The following PAH variants were observed in gnomAD, a reference collection of about 807,000 sequenced individuals.
The protein encoded by PAH is phenylalanine-4-hydroxylase.
Under a neutral mutation model 62.0 loss-of-function variants are expected in PAH, and 64 were observed. That is an observed-to-expected ratio of 1.03 (90% CI 0.84 to 1.27). The LOEUF is 1.27. PAH is among the 50% of genes most tolerant of loss of function. The probability of loss-of-function intolerance (pLI) is 0.00; values close to 1 mark genes in which losing one functional copy is unlikely to be tolerated. For synonymous variants in PAH, 195 were observed against 196.2 expected (o/e 0.99, Z 0.05); for missense variants, 579 against 542.8 (o/e 1.07, Z -0.66).
At chr12:102,917,411 A>ACTT (rs1257714258), upstream of PAH, 5 of 471,464 alleles carry the variant, frequency 1.1e-5, no homozygotes, top group African/African-American at 2.0e-5. Context: ...AGGAGGCACC[A>ACTT]CTTCGCTGCC....
rs1220508590 is a variant in PAH at position 102,957,663 on chromosome 12, T to C, written c.-96+532A>G. ...TGTCCCATTGAAAAGGCGGACGCAC[T>C]CCGGCAGCCCAGCACTCTCTCACTT... On this transcript the variant is annotated intron_variant, in intron 1 of 4. Coordinates refer to the PAH transcript ENST00000551337. This position sits in a 1 kb window ranked among gnomAD's most constrained non-coding sequence, Gnocchi z 4.1. The C allele has an allele frequency of 2.0e-5, 3 of 152,294 alleles. No individual in the cohort carries two copies. The highest frequency in any genetic ancestry group is 4.4e-5 in the Non-Finnish European group (3 of 68,084). The allele number at this position is 152,294 out of a possible 1,614,324, so 9.4% of individuals were successfully genotyped here. A position where few individuals can be genotyped will look rare whatever the true frequency, so the allele number is the denominator to read the frequency against.
At position 102,894,812 on chromosome 12, in the gene PAH, G is replaced by A. The variant is rs62514903; in HGVS notation, c.275C>T (p.Thr92Ile). 1.9e-6 allele frequency: 3 copies of A among 1,613,868 alleles called. No homozygotes were observed. The highest frequency in any genetic ancestry group is 2.5e-6 in the Non-Finnish European group (3 of 1,179,946). Residue 92 changes from threonine (T) to isoleucine (I), a missense_variant, in exon 3 of 13, where the codon ACA becomes ATA. Physicochemically the swap from Thr to Ile is moderately conservative, Grantham distance 89. Coordinates refer to ENST00000553106, the MANE Select transcript of PAH (RefSeq NM_000277.3). Reference protein sequence around the residue: ...HLDKRSLPALTNIIKILRHDI... With the variant: ...HLDKRSLPALINIIKILRHDI... ...ATGCCTCAAGATCTTGATGATGTTT[G>A]TCAGAGCAGGCAGGCTACGTTTATC...
chr12:102,910,624 C>T (rs929392611), intron 2 of PAH, among the ~76,000 whole-genome samples: 1 of 152,058 alleles, frequency 6.6e-6, no homozygotes, highest in Non-Finnish European at 1.5e-5. Flanking sequence ...TCAGCCTCAG[C>T]CTCCCAAAGT....
intron 2 of PAH, among the ~76,000 whole-genome samples, chr12:102,898,704 G>T (rs1199591060): frequency 6.6e-6 from 1 of 152,256 alleles, no homozygotes; most frequent in South Asian, 2.1e-4. Context: ...AGAGATGAAG[G>T]TGCTTGGCCG....
rs1182277046 is a variant in PAH, at chr12:102,868,126, GTA to G, written c.442-1465_442-1464del. ...TATACACATATATATACATATATGT[GTA>G]TATATATATATATATATATATATAT... On this transcript the variant is annotated intron_variant, in intron 4 of 12. Transcript: ENST00000553106. Among the ~76,000 whole-genome samples, 145 of 6,422 alleles carry G rather than the reference GTA, an allele frequency of 0.023. 9 individuals are homozygous for G. The Middle Eastern group carries it at 0.38, about 17-fold the overall frequency. The allele number at this position is 6,422 out of a possible 152,430, so 4.2% of individuals were successfully genotyped here.
chr12:102,853,139 T>C (rs1299900095), intron 6 of PAH, 189 bp from the exon 7 acceptor site: 5 of 638,310 alleles, frequency 7.8e-6, no homozygotes, highest in Non-Finnish European at 1.1e-5. Flanking sequence ...TAAATTCCCA[T>C]TTCTGAGCCT....
chr12:102,913,456 A>T (rs1878277416), intron 1 of PAH, among the ~76,000 whole-genome samples: 1 of 152,208 alleles, frequency 6.6e-6, no homozygotes, highest in Admixed American at 6.5e-5. Flanking sequence ...CAGGTGGACT[A>T]CTTTGGGCAA....
intron 2 of PAH, among the ~76,000 whole-genome samples, chr12:102,910,805 T>A (rs947249028): frequency 6.6e-6 from 1 of 152,016 alleles, no homozygotes; most frequent in Admixed American, 6.6e-5. Context: ...TTCTAAGGGG[T>A]TGCTTTCAAG....
At chr12:102,882,868 C>T (rs969459062) in intron 3 of PAH, among the ~76,000 whole-genome samples, 13 of 151,838 alleles carry the variant, frequency 8.6e-5, no homozygotes, top group African/African-American at 3.1e-4. Context: ...GAATTAAATG[C>T]TGCAGCAATA....
intron 2 of PAH, among the ~76,000 whole-genome samples, chr12:102,911,245 C>T (rs1429003595): frequency 1.3e-5 from 2 of 152,126 alleles, no homozygotes; most frequent in East Asian, 3.9e-4. Flanking sequence ...AGAGAGACCA[C>T]AGAAGAAAGG....
At chr12:102,955,992 G>A (rs1245588009) in intron 1 of PAH, among the ~76,000 whole-genome samples, 2 of 152,116 alleles carry the variant, frequency 1.3e-5, no homozygotes, top group African/African-American at 2.4e-5. Context: ...GGAGCCGCCC[G>A]TCATTACTGC....
intron 2 of PAH, among the ~76,000 whole-genome samples, chr12:102,895,261 A>C (rs1592979202): frequency 6.6e-6 from 1 of 152,260 alleles, no homozygotes; most frequent in Non-Finnish European, 1.5e-5. Context: ...AAACACCCCC[A>C]CTTTCCAAAC....
At chr12:102,895,746 T>C (rs1310823506) in intron 2 of PAH, among the ~76,000 whole-genome samples, 4 of 151,422 alleles carry the variant, frequency 2.6e-5, no homozygotes, top group Admixed American at 6.6e-5. Flanking sequence ...TCCCAGCTAC[T>C]TGGGAGGCTG....
Position 102,880,204 on chromosome 12 carries a change from C to T in PAH, c.353-2654G>A, listed in dbSNP as rs144898566. 2.9e-3 allele frequency among the ~76,000 whole-genome samples: 443 copies of T among 152,262 alleles called. 7 individuals are homozygous for T. The South Asian group carries it at 0.046, about 16-fold the overall frequency. ...TCCCGCCTTGTCACCTACACTCCTC[C>T]CCAAGCTCTCCTTCCTCAGTGGGTC... On this transcript the variant is annotated intron_variant, in intron 3 of 12. Transcript: ENST00000553106.
rs185384106 is a variant in PAH at position 102,855,370 on chromosome 12, C to T, written c.510-38G>A. ...CACAAAATAGGTGTCTCAAGCAGGGCAGGGGCACAGCAGAACGCAGGTTAG... is the reference window on the plus strand; with the variant it reads ...CACAAAATAGGTGTCTCAAGCAGGGTAGGGGCACAGCAGAACGCAGGTTAG... On this transcript the variant is annotated intron_variant, in intron 5 of 12. Coordinates refer to ENST00000553106, the MANE Select transcript of PAH (RefSeq NM_000277.3). 12 of 1,579,036 alleles carry T rather than the reference C, an allele frequency of 7.6e-6. No individual in the cohort carries two copies. The African/African-American group carries it at 1.6e-4, about 21-fold the overall frequency.
intron 5 of PAH, among the ~76,000 whole-genome samples, chr12:102,862,496 T>A (rs1875772040): frequency 6.6e-6 from 1 of 152,098 alleles, no homozygotes; most frequent in Non-Finnish European, 1.5e-5. Flanking sequence ...CAAACCCCCA[T>A]GACACAAGTT....
At position 102,839,018 on chromosome 12, in the gene PAH, A is replaced by T. The variant is rs1565840331; in HGVS notation, c.*157T>A. ...GTATGTACTCATATCCTGTCATTTC[A>T]GATTATTTTGACTTATTTGTTGTTT... On this transcript the variant is annotated 3_prime_UTR_variant, in exon 13 of 13. Coordinates refer to ENST00000553106, the MANE Select transcript of PAH (RefSeq NM_000277.3). 1 of 690,262 alleles carries T rather than the reference A, an allele frequency of 1.4e-6. No homozygotes were observed. 42.8% of individuals were successfully genotyped at this position (690,262 alleles called of 1,614,324 possible). A position where few individuals can be genotyped will look rare whatever the true frequency, so the allele number is the denominator to read the frequency against.
upstream of PAH, among the ~76,000 whole-genome samples, chr12:102,920,589 C>A (rs1402316567): frequency 6.6e-6 from 1 of 152,138 alleles, no homozygotes; most frequent in African/African-American, 2.4e-5. Flanking sequence ...ACCTACATGA[C>A]CCTTCTCTTG....
intron 8 of PAH, 59 bp from the exon 9 acceptor site, chr12:102,847,010 C>T (rs1874881899): frequency 7.0e-7 from 1 of 1,431,974 alleles, no homozygotes; most frequent in Admixed American, 1.7e-5. Flanking sequence ...ACAGAACCAA[C>T]CTAGTACTTG....
Sources: gnomAD v4.1 joint callset for allele counts (sites outside exome capture counted in the v4.1 genomes callset) on GRCh38, gnomAD v4.1.1 for gene constraint, Gnocchi (gnomAD v3.1) non-coding constraint, MANE v1.5 for transcripts, NCBI Gene and HGNC (gene_info 2026-07-23, HGNC 2026-07-21) for gene names.